The following PAQR3 variants were observed in gnomAD, a reference collection of about 807,000 sequenced individuals.
PAQR3 encodes the protein Raf kinase trapping to Golgi.
Under a neutral mutation model 41.7 loss-of-function variants are expected in PAQR3, and 39 were observed. The ratio of observed to expected loss-of-function variants is 0.93; its 90% CI spans 0.72 to 1.22. PAQR3 has a LOEUF of 1.22. Ranked by LOEUF, PAQR3 falls within the 50% of genes most tolerant of loss-of-function variation. PAQR3 has a pLI of 0.00. For synonymous variants in PAQR3, 140 were observed against 140.6 expected (o/e 1.00, Z 0.03); for missense variants, 366 against 385.6 (o/e 0.95, Z 0.42).
chr4:78,920,447 G>C lies in PAQR3; in HGVS notation c.*92C>G. On this transcript the variant is annotated 3_prime_UTR_variant, in exon 6 of 6. Coordinates refer to ENST00000512733, the MANE Select transcript of PAQR3 (RefSeq NM_001040202.2). ...TTACTCATATTAAAAAGGAAAAAGG[G>C]AAAACTAATGGGAATCTTAGAAATA... The C allele has an allele frequency of 7.1e-7, 1 of 1,409,166 alleles. No homozygotes were observed. The highest frequency in any genetic ancestry group is 2.6e-5 in the Admixed American group (1 of 37,972). The allele number at this position is 1,409,166 out of a possible 1,614,324, so 87.3% of individuals were successfully genotyped here. A position where few individuals can be genotyped will look rare whatever the true frequency, so the allele number is the denominator to read the frequency against.
intron 4 of PAQR3, among the ~76,000 whole-genome samples, chr4:78,924,729 T>A (rs79548758): frequency 6.5e-5 from 9 of 137,798 alleles, no homozygotes; most frequent in East Asian, 2.2e-4. Flanking sequence ...TTTTTTTTTT[T>A]AATTAGCTGG....
At chr4:78,892,016 A>G (rs911683165) in intron 11 of PAQR3, among the ~76,000 whole-genome samples, 1 of 152,188 alleles carries the variant, frequency 6.6e-6, no homozygotes, top group Non-Finnish European at 1.5e-5. Context: ...TTCAGTCTTT[A>G]AAAGGATGTT....
chr4:78,935,780 C>T (rs1009385365), intron 1 of PAQR3, among the ~76,000 whole-genome samples: 19 of 152,132 alleles, frequency 1.2e-4, no homozygotes, highest in Admixed American at 2.6e-4. Context: ...TTTCCTAGAG[C>T]TCATTAAATA....
intron 10 of PAQR3, chr4:78,906,284 T>G (rs1307478561): frequency 6.6e-6 from 1 of 152,114 alleles, no homozygotes; most frequent in East Asian, 1.9e-4. Flanking sequence ...TTAAACAATG[T>G]CAGTGTGGGT....
chr4:78,890,975 G>T (rs1474803294), intron 11 of PAQR3, among the ~76,000 whole-genome samples: 1 of 152,158 alleles, frequency 6.6e-6, no homozygotes, highest in African/African-American at 2.4e-5. Flanking sequence ...TGGGAGGATT[G>T]CTTGCTTGAG....
intron 11 of PAQR3, among the ~76,000 whole-genome samples, chr4:78,890,622 GT>G (rs1369708798): frequency 6.6e-6 from 1 of 152,066 alleles, no homozygotes; most frequent in Non-Finnish European, 1.5e-5. Context: ...TGTTTGCTTA[GT>G]TTTTTATGTA....
downstream of PAQR3, among the ~76,000 whole-genome samples, chr4:78,908,714 C>G (rs901901521): frequency 2.0e-5 from 3 of 152,124 alleles, no homozygotes; most frequent in Admixed American, 2.0e-4. Context: ...ATTTTTAGTA[C>G]TCCTCTTCAC....
intron 3 of PAQR3, among the ~76,000 whole-genome samples, chr4:78,927,833 G>T (rs1241993738): frequency 3.3e-5 from 5 of 152,226 alleles, no homozygotes; most frequent in Admixed American, 2.6e-4. Flanking sequence ...CTTCTTTGGG[G>T]CTATTAACTT....
At chr4:78,895,284 A>G (rs1027065169) in intron 11 of PAQR3, among the ~76,000 whole-genome samples, 3 of 152,136 alleles carry the variant, frequency 2.0e-5, no homozygotes, top group Non-Finnish European at 4.4e-5. Context: ...AAAAACGTAC[A>G]CCTGTATTTA....
chr4:78,902,766 C>T (rs1185056592), intron 11 of PAQR3, among the ~76,000 whole-genome samples: 2 of 151,996 alleles, frequency 1.3e-5, no homozygotes, highest in Admixed American at 1.3e-4. Flanking sequence ...AGAGGGAAAC[C>T]TGATTCTAGA....
At chr4:78,931,224 G>A (rs1045329379) in intron 2 of PAQR3, among the ~76,000 whole-genome samples, 25 of 150,194 alleles carry the variant, frequency 1.7e-4, no homozygotes, top group African/African-American at 5.2e-4. Context: ...TGGGCATGGC[G>A]GCATGCACCT....
Position 78,918,468 on chromosome 4 carries a change from T to A in PAQR3, c.*2071A>T, listed in dbSNP as rs1169929366. 2 of 908,092 alleles carry A rather than the reference T, an allele frequency of 2.2e-6. No homozygotes were observed. Among genetic ancestry groups the A allele is most frequent in the Non-Finnish European group, 2.6e-6 (2 of 759,178 alleles). The allele number at this position is 908,092 out of a possible 1,614,324, so 56.3% of individuals were successfully genotyped here. A position where few individuals can be genotyped will look rare whatever the true frequency, so the allele number is the denominator to read the frequency against. On this transcript the variant is annotated 3_prime_UTR_variant, in exon 6 of 6. Transcript: ENST00000512733. ...CATTCCCTATTTTATAATAAATATA[T>A]CATAGCAGTGAAAAAATGAGAGGAT...
chr4:78,887,334 AC>A, intron 12 of PAQR3: 1 of 1,315,126 alleles, frequency 7.6e-7, no homozygotes. Flanking sequence ...ACACACAAGA[AC>A]AACAGCAAAA....
intron 1 of PAQR3, among the ~76,000 whole-genome samples, chr4:78,936,929 A>G (rs1737487444): frequency 6.6e-6 from 1 of 151,200 alleles, no homozygotes; most frequent in African/African-American, 2.4e-5. Flanking sequence ...GAGAGAGGGC[A>G]AAGGCTAAAC....
At position 78,917,723 on chromosome 4, in the gene PAQR3, G is replaced by T; in HGVS notation, c.*2816C>A. On this transcript the variant is annotated 3_prime_UTR_variant, in exon 6 of 6. Transcript: ENST00000512733. ...TTCACAGGAATAGGCTTTGCCCCTT[G>T]ACATTTAATACAGGGCAAAGTATTA... is the stretch of plus-strand genomic sequence containing the variant. The T allele has an allele frequency of 1.2e-6, 1 of 814,224 alleles. No individual in the cohort carries two copies. The highest frequency in any genetic ancestry group is 1.5e-6 in the Non-Finnish European group (1 of 674,300). 50.4% of individuals were successfully genotyped at this position (814,224 alleles called of 1,614,324 possible). A position where few individuals can be genotyped will look rare whatever the true frequency, so the allele number is the denominator to read the frequency against.
chr4:78,936,721 CA>C (rs1737463712), intron 1 of PAQR3, among the ~76,000 whole-genome samples: 1 of 152,172 alleles, frequency 6.6e-6, no homozygotes, highest in Non-Finnish European at 1.5e-5. Context: ...ACTGTTTTGA[CA>C]ATCAGTACTA....
chr4:78,926,397 A>G (rs745471179), intron 4 of PAQR3, 124 bp downstream of exon 4: 1 of 776,222 alleles, frequency 1.3e-6, no homozygotes, highest in Non-Finnish European at 2.1e-6. Context: ...TCAACATGCA[A>G]TTACAAATAT....
chr4:78,898,016 C>G (rs1733794190), intron 11 of PAQR3, among the ~76,000 whole-genome samples: 1 of 152,130 alleles, frequency 6.6e-6, no homozygotes, highest in South Asian at 2.1e-4. Context: ...ATGAGGAAAG[C>G]TTCATGAGAA....
intron 11 of PAQR3, among the ~76,000 whole-genome samples, chr4:78,892,558 T>C (rs1310324224): frequency 3.9e-5 from 6 of 152,176 alleles, no homozygotes; most frequent in African/African-American, 1.4e-4. Context: ...ATGCTAAAAT[T>C]TTTATGTTTT....
Sources: gnomAD v4.1 joint callset for allele counts (sites outside exome capture counted in the v4.1 genomes callset) on GRCh38, gnomAD v4.1.1 for gene constraint, MANE v1.5 for transcripts, NCBI Gene and HGNC (gene_info 2026-07-23, HGNC 2026-07-21) for gene names.